The following RPH3A variants were observed in gnomAD, a reference collection of about 807,000 sequenced individuals.
The protein encoded by RPH3A is rabphilin 3A.
RPH3A carries 48 observed loss-of-function variants against 102.2 expected under a neutral mutation model. The ratio of observed to expected loss-of-function variants is 0.47; its 90% CI spans 0.37 to 0.60. The LOEUF (loss-of-function observed/expected upper bound fraction) is 0.60. RPH3A is among the 20% of genes least tolerant of loss of function. The pLI is 0.00. For missense variants in RPH3A, 781 were observed against 910.1 expected (o/e 0.86, Z 1.83); for synonymous variants, 310 against 324.3 (o/e 0.96, Z 0.47).
chr12:112,885,747 C>A (rs1029485940), intron 16 of RPH3A, among the ~76,000 whole-genome samples: 1 of 152,016 alleles, frequency 6.6e-6, no homozygotes, highest in Non-Finnish European at 1.5e-5. Context: ...GCATTTATCC[C>A]TGTGTTATAA....
chr12:112,852,592 C>T (rs970064083), intron 5 of RPH3A, among the ~76,000 whole-genome samples: 20 of 152,232 alleles, frequency 1.3e-4, no homozygotes, highest in African/African-American at 3.9e-4. Flanking sequence ...CAAATTCCTA[C>T]GGAAGGAACT....
At chr12:112,654,032 T>G (rs564986300) in intron 1 of RPH3A, among the ~76,000 whole-genome samples, 1 of 152,302 alleles carries the variant, frequency 6.6e-6, no homozygotes, top group South Asian at 2.1e-4. Flanking sequence ...ACTTCACAAC[T>G]TTTCCACTGG....
chr12:112,805,136 A>AT (rs567075460), intron 2 of RPH3A, among the ~76,000 whole-genome samples: 1 of 152,176 alleles, frequency 6.6e-6, no homozygotes, highest in Non-Finnish European at 1.5e-5. Context: ...GTATGGTAGC[A>AT]TTTTTTTAAA....
intron 1 of RPH3A, among the ~76,000 whole-genome samples, chr12:112,602,379 A>T (rs1033875229): frequency 1.3e-5 from 2 of 152,126 alleles, no homozygotes; most frequent in African/African-American, 4.8e-5. Context: ...CTCAATTTGC[A>T]TGTTAAAGGA....
At chr12:112,638,501 C>A (rs1251142274) in intron 1 of RPH3A, among the ~76,000 whole-genome samples, 1 of 152,164 alleles carries the variant, frequency 6.6e-6, no homozygotes, top group Non-Finnish European at 1.5e-5. Flanking sequence ...CTAATCAACC[C>A]TTAATCTAGT....
At chr12:112,790,505 A>G (rs2041087796), upstream of RPH3A, among the ~76,000 whole-genome samples, 1 of 152,190 alleles carries the variant, frequency 6.6e-6, no homozygotes, top group African/African-American at 2.4e-5. Context: ...AGTCTCCAAT[A>G]GAGAGAGTTC....
At chr12:112,836,424 T>C in intron 3 of RPH3A, 67 bp from the exon 4 acceptor site, 1 of 929,128 alleles carries the variant, frequency 1.1e-6, no homozygotes, top group African/African-American at 1.7e-5. Flanking sequence ...ACAGTGTAGA[T>C]ATTGTTATGA....
intron 2 of RPH3A, among the ~76,000 whole-genome samples, chr12:112,815,820 A>G (rs1486265251): frequency 2.0e-5 from 3 of 152,192 alleles, no homozygotes; most frequent in African/African-American, 4.8e-5. Flanking sequence ...GCTGAAATCA[A>G]TTCTGAGCCT....
intron 18 of RPH3A, 87 bp from the exon 19 acceptor site, chr12:112,890,762 C>T (rs2043079627): frequency 6.8e-7 from 1 of 1,463,292 alleles, no homozygotes. Flanking sequence ...TTCGCCTGCC[C>T]TTCATAGGTT....
At chr12:112,604,976 C>T (rs1162956343) in intron 1 of RPH3A, among the ~76,000 whole-genome samples, 1 of 152,194 alleles carries the variant, frequency 6.6e-6, no homozygotes, top group African/African-American at 2.4e-5. Flanking sequence ...GTTAATTCTG[C>T]TTTATTCTGT....
chr12:112,846,227 G>C (rs1442830795), intron 4 of RPH3A, among the ~76,000 whole-genome samples: 1 of 152,198 alleles, frequency 6.6e-6, no homozygotes, highest in East Asian at 1.9e-4. Context: ...TCGCAATGTT[G>C]TGCAACCATC....
At chr12:112,694,137 C>A (rs774808890) in intron 1 of RPH3A, among the ~76,000 whole-genome samples, 16 of 152,220 alleles carry the variant, frequency 1.1e-4, no homozygotes, top group Non-Finnish European at 1.5e-4. Flanking sequence ...GAGTGGCCCT[C>A]CTTTGCCTGC....
At chr12:112,589,465 C>T (rs2039460865) in intron 1 of RPH3A, among the ~76,000 whole-genome samples, 1 of 152,146 alleles carries the variant, frequency 6.6e-6, no homozygotes, top group African/African-American at 2.4e-5. Context: ...CATGTCCTGC[C>T]TCAGGACCTT....
At position 112,896,899 on chromosome 12, in the gene RPH3A, T is replaced by A; in HGVS notation, c.*119T>A. On this transcript the variant is annotated 3_prime_UTR_variant, in exon 22 of 22. Coordinates refer to ENST00000389385, the MANE Select transcript of RPH3A (RefSeq NM_001143854.2). ...TCCCCCCATACCCTGCTGATCTCCC[T>A]GAGCCTGCCTTTGAGCCCCCGTCAC... 1.8e-6 allele frequency: 2 copies of A among 1,128,636 alleles called. No individual in the cohort carries two copies. Among genetic ancestry groups the A allele is most frequent in the Non-Finnish European group, 2.5e-6 (2 of 797,266 alleles). 69.9% of individuals were successfully genotyped at this position (1,128,636 alleles called of 1,614,324 possible). A position where few individuals can be genotyped will look rare whatever the true frequency, so the allele number is the denominator to read the frequency against.
At chr12:112,697,635 C>T (rs934578032) in intron 1 of RPH3A, among the ~76,000 whole-genome samples, 4 of 152,082 alleles carry the variant, frequency 2.6e-5, no homozygotes, top group Non-Finnish European at 1.5e-5. Flanking sequence ...GAGGCTGAGG[C>T]GGGTGGATCA....
intron 1 of RPH3A, among the ~76,000 whole-genome samples, chr12:112,608,092 C>T (rs1159393247): frequency 6.6e-6 from 1 of 151,556 alleles, no homozygotes; most frequent in Non-Finnish European, 1.5e-5. Flanking sequence ...TCTTTTATAT[C>T]TTTCCCTCCT....
chr12:112,841,971 T>A (rs1297372909), intron 4 of RPH3A: 2 of 456,070 alleles, frequency 4.4e-6, no homozygotes, highest in South Asian at 3.1e-5. Context: ...TTTGTGCAGA[T>A]AGGCAAGGAA....
chr12:112,710,931 G>T (rs140118016), intron 1 of RPH3A, among the ~76,000 whole-genome samples: 21 of 152,158 alleles, frequency 1.4e-4, no homozygotes, highest in African/African-American at 5.1e-4. Context: ...AATATTTGTT[G>T]AATGAATAAG....
intron 1 of RPH3A, among the ~76,000 whole-genome samples, chr12:112,781,479 A>C (rs1346780806): frequency 6.6e-6 from 1 of 152,050 alleles, no homozygotes; most frequent in Non-Finnish European, 1.5e-5. Context: ...TTTTTTGCCC[A>C]AGCCTCCTCT....
Sources: gnomAD v4.1 joint callset for allele counts (sites outside exome capture counted in the v4.1 genomes callset) on GRCh38, gnomAD v4.1.1 for gene constraint, MANE v1.5 for transcripts, NCBI Gene and HGNC (gene_info 2026-07-23, HGNC 2026-07-21) for gene names.